CDH13: variants seen among roughly 807,000 people sequenced by gnomAD.
CDH13 encodes the protein cadherin-13.
CDH13 carries 24 observed loss-of-function variants against 63.8 expected under a neutral mutation model. The ratio of observed to expected loss-of-function variants is 0.38; its 90% CI spans 0.27 to 0.53. The LOEUF is 0.53. CDH13 is among the 20% of genes least tolerant of loss of function. CDH13 has a pLI of 0.85. For missense variants in CDH13, 1,049 were observed against 903.1 expected (o/e 1.16, Z -2.07); for synonymous variants, 503 against 355.3 (o/e 1.42, Z -4.67).
chr16:83,719,394 G>A (rs1391306363), intron 10 of CDH13, among the ~76,000 whole-genome samples: 1 of 152,048 alleles, frequency 6.6e-6, no homozygotes, highest in Non-Finnish European at 1.5e-5. Context: ...ACTAGGAGAG[G>A]GCGACATGGG....
chr16:83,035,253 C>G (rs1284995670), intron 3 of CDH13, among the ~76,000 whole-genome samples: 3 of 152,112 alleles, frequency 2.0e-5, no homozygotes, highest in African/African-American at 7.2e-5. Flanking sequence ...CAGTGAGTGC[C>G]TGAGTCAGCT....
intron 7 of CDH13, among the ~76,000 whole-genome samples, chr16:83,504,736 C>T (rs555361131): frequency 6.6e-6 from 1 of 152,112 alleles, no homozygotes; most frequent in East Asian, 1.9e-4. Context: ...GGTGTTAGGG[C>T]AGATAATGAG....
At chr16:83,319,171 A>G (rs530458063) in intron 5 of CDH13, among the ~76,000 whole-genome samples, 11 of 152,188 alleles carry the variant, frequency 7.2e-5, no homozygotes, top group African/African-American at 1.7e-4. Flanking sequence ...CTCTTATAGA[A>G]CTATAATTTA....
At chr16:83,002,735 G>A (rs894675646) in intron 2 of CDH13, among the ~76,000 whole-genome samples, 1 of 152,298 alleles carries the variant, frequency 6.6e-6, no homozygotes, top group East Asian at 1.9e-4. Context: ...GGCGTTCAGA[G>A]ACTGGGAGGA....
chr16:83,135,518 G>A (rs891999381), intron 4 of CDH13, among the ~76,000 whole-genome samples: 3 of 152,304 alleles, frequency 2.0e-5, no homozygotes, highest in Admixed American at 1.3e-4. Context: ...GGTACAAACT[G>A]AGTTGCCTTT....
chr16:83,278,942 G>A (rs964503928), intron 5 of CDH13, among the ~76,000 whole-genome samples: 3 of 152,154 alleles, frequency 2.0e-5, no homozygotes, highest in African/African-American at 7.2e-5. Context: ...GCTAAGCCTG[G>A]ATAGAAATAC....
rs190147729 is a variant in CDH13, at chr16:82,873,183, T to A, written c.157+14710T>A. Among the ~76,000 whole-genome samples the A allele has an allele frequency of 2.6e-3, 397 of 152,302 alleles. 1 individual carries two copies. The highest frequency in any genetic ancestry group is 3.8e-3 in the Non-Finnish European group (256 of 68,028). On this transcript the variant is annotated intron_variant, in intron 2 of 13. Coordinates refer to ENST00000567109, the MANE Select transcript of CDH13 (RefSeq NM_001257.5). ...ACACTTAGGCTGAGGGAGTAACTCATGTCAAAGCCCTAAAATGAGAGTGGG... is the reference window on the plus strand; with the variant it reads ...ACACTTAGGCTGAGGGAGTAACTCAAGTCAAAGCCCTAAAATGAGAGTGGG...
chr16:83,032,088 G>A lies in CDH13; in HGVS notation c.236G>A (p.Gly79Asp). 1 of 1,612,762 alleles carries A rather than the reference G, an allele frequency of 6.2e-7. No homozygotes were observed. Among genetic ancestry groups the A allele is most frequent in the African/African-American group, 1.3e-5 (1 of 75,036 alleles). Residue 79 changes from glycine (G) to aspartate (D), a missense_variant, in exon 3 of 14, where the codon GGC becomes GAC. Physicochemically the swap from Gly to Asp is moderately conservative, Grantham distance 94. Coordinates refer to ENST00000567109, the MANE Select transcript of CDH13 (RefSeq NM_001257.5). ...CCATACTTCAAGGTGAACAGCGATG[G>A]CGGCTTAGTTGCTCTGAGAAACATA... Reference protein sequence around the residue: ...SSPYFKVNSDGGLVALRNITA... With the variant: ...SSPYFKVNSDDGLVALRNITA...
intron 7 of CDH13, among the ~76,000 whole-genome samples, chr16:83,580,447 T>G (rs886829041): frequency 3.0e-5 from 4 of 133,412 alleles, no homozygotes; most frequent in East Asian, 2.2e-4. Context: ...TTTCTGTTCA[T>G]TTCTCTCTCT....
intron 5 of CDH13, among the ~76,000 whole-genome samples, chr16:83,224,488 T>G (rs537149522): frequency 3.9e-5 from 6 of 152,334 alleles, no homozygotes; most frequent in African/African-American, 1.4e-4. Flanking sequence ...AAACCTGTGA[T>G]CTTCACTTCT....
At chr16:82,755,003 C>T (rs192055466) in intron 1 of CDH13, among the ~76,000 whole-genome samples, 1,549 of 152,274 alleles carry the variant, frequency 0.01, 24 homozygotes, top group African/African-American at 0.036. Flanking sequence ...CTTACTATTA[C>T]CCTGGGAAAC....
At chr16:82,972,241 TCTA>T (rs147936291) in intron 2 of CDH13, among the ~76,000 whole-genome samples, 4,913 of 152,084 alleles carry the variant, frequency 0.032, 263 homozygotes, top group African/African-American at 0.11. Context: ...ATGACAGAAA[TCTA>T]CTATAGAGAA....
chr16:83,570,940 CTCA>C (rs549824349), intron 7 of CDH13, among the ~76,000 whole-genome samples: 853 of 61,664 alleles, frequency 0.014, 10 homozygotes, highest in African/African-American at 0.042. Context: ...ATATTTATAA[CTCA>C]TCCATATATA....
chr16:83,298,395 C>T (rs953308570), intron 5 of CDH13, among the ~76,000 whole-genome samples: 1 of 152,148 alleles, frequency 6.6e-6, no homozygotes, highest in Non-Finnish European at 1.5e-5. Context: ...CAGTATTTCT[C>T]CCTGTGTAGC....
intron 6 of CDH13, among the ~76,000 whole-genome samples, chr16:83,469,319 C>G (rs1292391131): frequency 6.6e-6 from 1 of 152,158 alleles, no homozygotes; most frequent in South Asian, 2.1e-4. Flanking sequence ...TTCTCAGGCC[C>G]TAATATTTCT....
intron 7 of CDH13, among the ~76,000 whole-genome samples, chr16:83,495,310 G>T (rs1316875450): frequency 6.6e-6 from 1 of 152,144 alleles, no homozygotes; most frequent in Non-Finnish European, 1.5e-5. Flanking sequence ...CCAGGTTATA[G>T]GTGGATTCAA....
intron 5 of CDH13, among the ~76,000 whole-genome samples, chr16:83,309,048 C>T (rs2089942448): frequency 6.6e-6 from 1 of 152,186 alleles, no homozygotes; most frequent in Admixed American, 6.5e-5. Context: ...CCTCAGTCCT[C>T]AGAACCACTC....
At chr16:83,513,410 A>C (rs760361205) in intron 7 of CDH13, among the ~76,000 whole-genome samples, 1 of 152,136 alleles carries the variant, frequency 6.6e-6, no homozygotes, top group African/African-American at 2.4e-5. Flanking sequence ...AAAAAGTGCA[A>C]ACTTCTCCTG....
intron 3 of CDH13, among the ~76,000 whole-genome samples, chr16:83,053,035 C>G (rs372902284): frequency 1.3e-5 from 2 of 152,070 alleles, no homozygotes; most frequent in Non-Finnish European, 2.9e-5. Flanking sequence ...GAAGGCCTAA[C>G]TTTTTCTGTT....
Sources: gnomAD v4.1 joint callset for allele counts (sites outside exome capture counted in the v4.1 genomes callset) on GRCh38, gnomAD v4.1.1 for gene constraint, MANE v1.5 for transcripts, NCBI Gene and HGNC (gene_info 2026-07-23, HGNC 2026-07-21) for gene names.